The following CHRDL1 variants were observed in gnomAD, a reference collection of about 807,000 sequenced individuals.
The protein encoded by CHRDL1 is chordin like 1, also known as chordin-like protein 1.
CHRDL1 carries 19 observed loss-of-function variants against 40.9 expected under a neutral mutation model. The ratio of observed to expected loss-of-function variants is 0.46; its 90% confidence interval spans 0.32 to 0.68. The LOEUF (loss-of-function observed/expected upper bound fraction) is 0.68, where lower values mean the gene tolerates loss of function less well. CHRDL1 is among the 30% of genes least tolerant of loss of function. The pLI is 0.03. For missense variants in CHRDL1, 329 were observed against 352.1 expected, an observed-to-expected ratio of 0.93 and a Z score of 0.53; for synonymous variants, 136 against 123.4, an observed-to-expected ratio of 1.10 and a Z score of -0.68.
chrX:110,704,942 G>C (rs1419206526), intron 6 of CHRDL1, among the ~76,000 whole-genome samples: 2 of 111,083 alleles, frequency 1.8e-5, no homozygotes, highest in Non-Finnish European at 3.8e-5. Context: ...TTAATGATTG[G>C]TATTGACATA....
intron 10 of CHRDL1, among the ~76,000 whole-genome samples, chrX:110,680,497 C>T (rs1251175526): frequency 8.9e-6 from 1 of 111,754 alleles, no homozygotes; most frequent in African/African-American, 3.3e-5. Context: ...AAAGCATGGT[C>T]CAAGTGCCAC....
intron 4 of CHRDL1, among the ~76,000 whole-genome samples, chrX:110,723,693 G>T (rs1459508182): frequency 8.9e-6 from 1 of 112,035 alleles, no homozygotes; most frequent in Admixed American, 9.4e-5. Context: ...ACTAGAACAT[G>T]AAGGCTATGC....
intron 7 of CHRDL1, among the ~76,000 whole-genome samples, chrX:110,700,236 G>C (rs778381657): frequency 2.7e-5 from 3 of 111,442 alleles, no homozygotes; most frequent in Non-Finnish European, 3.8e-5. Context: ...AGAGCCTAAG[G>C]CTTGGGAAAG....
chrX:110,775,515 T>C (rs2089837878), intron 2 of CHRDL1, among the ~76,000 whole-genome samples: 1 of 111,346 alleles, frequency 9.0e-6, no homozygotes, highest in South Asian at 3.8e-4. Flanking sequence ...TTTGTTTCAG[T>C]ACAGTTACAA....
chrX:110,689,500 CTATA>C (rs1362397366), intron 8 of CHRDL1, among the ~76,000 whole-genome samples: 1 of 46,306 alleles, frequency 2.2e-5, no homozygotes, highest in Non-Finnish European at 3.2e-5. Context: ...CTCTATATAT[CTATA>C]TATCTATATC....
rs184963737 is a variant in CHRDL1, at chrX:110,732,851, T to A, written c.302-11321A>T. Reference sequence around the variant, plus strand: ...TGTTTGCTGTGTGATGGAACTGCTATCACTTTGCATCTCTAGGCTTCAGTT... The same window carrying A: ...TGTTTGCTGTGTGATGGAACTGCTAACACTTTGCATCTCTAGGCTTCAGTT... On this transcript the variant is annotated intron_variant, in intron 4 of 11. Coordinates refer to ENST00000372042, the MANE Select transcript of CHRDL1 (RefSeq NM_001143981.2). 2.5e-3 allele frequency among the ~76,000 whole-genome samples: 278 copies of A among 112,184 alleles called. 1 individual carries two copies. The highest frequency in any genetic ancestry group is 8.3e-3 in the African/African-American group (255 of 30,880).
At chrX:110,734,344 G>T (rs755833139) in intron 4 of CHRDL1, among the ~76,000 whole-genome samples, 3 of 112,162 alleles carry the variant, frequency 2.7e-5, no homozygotes, top group Non-Finnish European at 5.6e-5. Context: ...CTTTCTGTGT[G>T]CTGAGAGTAC....
intron 5 of CHRDL1, 95 bp downstream of exon 5, chrX:110,721,290 A>G (rs1267833361): frequency 3.6e-6 from 3 of 840,898 alleles, no homozygotes; most frequent in African/African-American, 2.0e-5. Context: ...TTATTCAAAC[A>G]CCTTACAGTG....
At chrX:110,706,064 C>A (rs758745511) in intron 6 of CHRDL1, among the ~76,000 whole-genome samples, 10 of 110,576 alleles carry the variant, frequency 9.0e-5, no homozygotes, top group Non-Finnish European at 1.3e-4. Context: ...TTCTCTAGAC[C>A]TGGGTACAGT....
At chrX:110,765,774 C>T (rs1039689914) in intron 2 of CHRDL1, among the ~76,000 whole-genome samples, 17 of 111,688 alleles carry the variant, frequency 1.5e-4, no homozygotes, top group African/African-American at 5.5e-4. Context: ...CCACTGACAG[C>T]ACTAGACAGA....
intron 2 of CHRDL1, among the ~76,000 whole-genome samples, chrX:110,785,518 A>T (rs1330249785): frequency 9.0e-6 from 1 of 111,659 alleles, no homozygotes; most frequent in East Asian, 2.8e-4. Context: ...CTTCGCCACT[A>T]TGCAGAATAT....
intron 2 of CHRDL1, among the ~76,000 whole-genome samples, chrX:110,784,561 G>C (rs2089989072): frequency 9.1e-6 from 1 of 110,370 alleles, no homozygotes; most frequent in African/African-American, 3.3e-5. Context: ...ACAGGCACCC[G>C]CCACTACGCC....
intron 4 of CHRDL1, among the ~76,000 whole-genome samples, chrX:110,733,166 TGTG>T (rs1304153655): frequency 1.2e-4 from 13 of 111,984 alleles, no homozygotes; most frequent in Middle Eastern, 4.6e-3. Context: ...CCCTTCAGCT[TGTG>T]ATGTGCTGCC....
At chrX:110,747,022 C>T (rs891974342) in intron 4 of CHRDL1, among the ~76,000 whole-genome samples, 2 of 109,986 alleles carry the variant, frequency 1.8e-5, no homozygotes, top group African/African-American at 6.8e-5. Flanking sequence ...CAGAGCGAGG[C>T]CCCATCTCTT....
At chrX:110,779,671 T>G (rs2089909268) in intron 2 of CHRDL1, among the ~76,000 whole-genome samples, 1 of 111,329 alleles carries the variant, frequency 9.0e-6, no homozygotes, top group African/African-American at 3.3e-5. Flanking sequence ...TGTTCTGGGT[T>G]TTGCCTTACC....
Position 110,745,723 on chromosome X carries a change from G to T in CHRDL1, c.301+13938C>A, listed in dbSNP as rs969253255. 1.5e-4 allele frequency among the ~76,000 whole-genome samples: 17 copies of T among 111,942 alleles called. No homozygotes were observed. In the Admixed American group the frequency reaches 1.6e-3, roughly 11 times the overall value. ...CTTGTTATGCGTGTCTCCTCCACTA[G>T]ATTGTGAACTCGTCGAGGCAGGAAC... On this transcript the variant is annotated intron_variant, in intron 4 of 11. Transcript: ENST00000372042.
At chrX:110,744,989 ACACAC>A (rs1569477560) in intron 4 of CHRDL1, among the ~76,000 whole-genome samples, 9,067 of 109,286 alleles carry the variant, frequency 0.083, 968 homozygotes, top group African/African-American at 0.29. Flanking sequence ...ACACACACAC[ACACAC>A]ATACATACCA....
In CHRDL1 at chrX:110,690,131, C is replaced by T. The variant is rs185215624; in HGVS notation, c.779-1328G>A. Among the ~76,000 whole-genome samples, 949 of 95,638 alleles carry T rather than the reference C, an allele frequency of 9.9e-3. 35 individuals carry two copies. Among genetic ancestry groups the T allele is most frequent in the African/African-American group, 0.039 (912 of 23,372 alleles). 83.1% of individuals were successfully genotyped at this position (95,638 alleles called of 115,157 possible). ...CGCTATCTCGGCTCACTGCAAGCTC[C>T]GCCTCCCAAGTTCACGCCATTCTCC... On this transcript the variant is annotated intron_variant, in intron 8 of 11. Transcript: ENST00000372042.
At chrX:110,746,801 T>A (rs2089262124) in intron 4 of CHRDL1, among the ~76,000 whole-genome samples, 1 of 111,692 alleles carries the variant, frequency 9.0e-6, no homozygotes, top group African/African-American at 3.3e-5. Context: ...ACCCAGGATT[T>A]AAATACCTTC....
Sources: gnomAD v4.1 joint callset for allele counts (sites outside exome capture counted in the v4.1 genomes callset) on GRCh38, gnomAD v4.1.1 for gene constraint, MANE v1.5 for transcripts, NCBI Gene and HGNC (gene_info 2026-07-23, HGNC 2026-07-21) for gene names.